SETX: variants seen among roughly 807,000 people sequenced by gnomAD.
SETX encodes the protein senataxin.
A neutral mutation model predicts 227.2 loss-of-function variants in SETX; 90 were observed. That is an observed-to-expected ratio of 0.40 (90% confidence interval 0.33 to 0.47). SETX has a LOEUF of 0.47. Among genes scored for constraint, SETX ranks in the 20% least tolerant of loss-of-function variants. The pLI is 0.91. For synonymous variants in SETX, 1,210 were observed against 1,113.2 expected, an observed-to-expected ratio of 1.09 and a Z score of -1.73; for missense variants, 3,052 against 3,181.5, an observed-to-expected ratio of 0.96 and a Z score of 0.98.
chr9:132,295,906 G>C lies in SETX; in HGVS notation c.6072C>G (p.Phe2024Leu). The C allele has an allele frequency of 1.2e-6, 2 of 1,613,768 alleles. No individual in the cohort carries two copies. The highest frequency in any genetic ancestry group is 2.7e-5 in the African/African-American group (2 of 75,002). Reference protein sequence around the residue: ...DELMKKIILEFKEKCKDKKNP... With the variant: ...DELMKKIILELKEKCKDKKNP... The stretch of plus-strand genomic sequence containing the variant: ...TCTTCTTGTCTTTACATTTTTCTTT[G>C]AATTCAAGGATAATTTTTTTCATGA... Residue 2024 changes from phenylalanine (F) to leucine (L), a missense_variant, in exon 15 of 26, where the codon TTC (phenylalanine) becomes TTG (leucine). Phe to Leu is a conservative substitution (Grantham distance 22). Around this residue, in one of 10 missense-constraint regions of SETX, gnomAD observed 412 missense variants for 589.0 expected, o/e 0.70. Coordinates refer to ENST00000224140, the MANE Select transcript of SETX (RefSeq NM_015046.7).
intron 10 of SETX, among the ~76,000 whole-genome samples, chr9:132,318,653 C>T (rs1023005155): frequency 2.0e-5 from 3 of 152,140 alleles, no homozygotes; most frequent in Non-Finnish European, 2.9e-5. Flanking sequence ...TGGGAGGGAA[C>T]AAGTGAACTT....
intron 11 of SETX, among the ~76,000 whole-genome samples, chr9:132,308,873 C>T (rs935660141): frequency 1.3e-5 from 2 of 152,062 alleles, no homozygotes; most frequent in South Asian, 2.1e-4. Context: ...AGGGGTGAGG[C>T]GCCGTGGCTC....
Position 132,328,971 on chromosome 9 carries a change from ATAAC to A in SETX, c.2623_2626del (p.Val875PhefsTer21), listed in dbSNP as rs757168693. ...ACAATTGTTTTCATGGAAAGAGAAA[ATAAC>A]TAATTCTTCATTCTTTAATTGTTTC... On this transcript the variant is annotated frameshift_variant, in exon 10 of 26. Coordinates refer to ENST00000224140, the MANE Select transcript of SETX (RefSeq NM_015046.7). LOFTEE classifies it high-confidence loss of function. 5 of 1,608,534 alleles carry A rather than the reference ATAAC, an allele frequency of 3.1e-6. No individual in the cohort carries two copies. The highest frequency in any genetic ancestry group is 4.2e-6 in the Non-Finnish European group (5 of 1,178,458).
intron 11 of SETX, among the ~76,000 whole-genome samples, chr9:132,308,734 A>C (rs971189608): frequency 5.3e-5 from 8 of 152,244 alleles, no homozygotes. Flanking sequence ...TATATACCTT[A>C]TTCATGAATT....
In SETX at chr9:132,312,120, G is replaced by C. The variant is rs540374295; in HGVS notation, c.5275-264C>G. Among the ~76,000 whole-genome samples, 221 of 152,328 alleles carry C rather than the reference G, an allele frequency of 1.5e-3. 1 individual carries two copies. Among genetic ancestry groups the C allele is most frequent in the Non-Finnish European group, 2.7e-3 (182 of 68,030 alleles). On this transcript the variant is annotated intron_variant, in intron 10 of 25. Transcript: ENST00000224140. Reference sequence around the variant, plus strand: ...GTTCTTCAAACTAGTCACACTTGCAGTGCTCAACAGCCACCTGTGGCTGCT... The same window carrying C: ...GTTCTTCAAACTAGTCACACTTGCACTGCTCAACAGCCACCTGTGGCTGCT...
intron 18 of SETX, among the ~76,000 whole-genome samples, chr9:132,286,013 T>A (rs541515566): frequency 1.3e-5 from 2 of 148,400 alleles, no homozygotes; most frequent in East Asian, 4.0e-4. Flanking sequence ...TGAAACCCCG[T>A]CTCTACTAAC....
chr9:132,347,658 A>G (rs2131564544), intron 3 of SETX, among the ~76,000 whole-genome samples: 1 of 151,074 alleles, frequency 6.6e-6, no homozygotes, highest in South Asian at 2.1e-4. Context: ...CAACATCCCT[A>G]TCAACTACAT....
intron 11 of SETX, 130 bp from the exon 12 acceptor site, chr9:132,300,933 T>C (rs1356473300): frequency 2.9e-6 from 2 of 687,804 alleles, no homozygotes; most frequent in East Asian, 5.7e-5. Context: ...CTGCATATAC[T>C]TTAAAATGGT....
At chr9:132,275,952 C>A (rs1452690976) in intron 22 of SETX, among the ~76,000 whole-genome samples, 1 of 152,182 alleles carries the variant, frequency 6.6e-6, no homozygotes, top group Non-Finnish European at 1.5e-5. Context: ...CACTTGACCC[C>A]AGTTGAACAA....
rs1842491756 is a variant in SETX, at chr9:132,263,700, C to T, written c.*539G>A. 6.5e-6 allele frequency: 1 copy of T among 154,880 alleles called. No homozygotes were observed. The highest frequency in any genetic ancestry group is 6.4e-5 in the Admixed American group (1 of 15,620). 9.6% of individuals were successfully genotyped at this position (154,880 alleles called of 1,614,324 possible). A position where few individuals can be genotyped will look rare whatever the true frequency, so the allele number is the denominator to read the frequency against. On this transcript the variant is annotated 3_prime_UTR_variant, in exon 26 of 26. Transcript: ENST00000224140. The stretch of plus-strand genomic sequence containing the variant: ...GGGTTTTTGCTTTTTTTAATAGAGC[C>T]AGAGACACCTGACCCACCAGCACTA...
intron 2 of SETX, 141 bp from the exon 3 acceptor site, chr9:132,349,576 A>T: frequency 1.3e-6 from 1 of 791,082 alleles, no homozygotes; most frequent in Non-Finnish European, 2.1e-6. Flanking sequence ...TGGCTGGCTT[A>T]TCAATCACTG....
intron 15 of SETX, among the ~76,000 whole-genome samples, chr9:132,291,888 C>T (rs1844335503): frequency 6.6e-6 from 1 of 151,908 alleles, no homozygotes; most frequent in African/African-American, 2.4e-5. Flanking sequence ...AGTAGAGGGG[C>T]CTGAAAGAGG....
chr9:132,320,448 C>T (rs113916193), intron 10 of SETX, among the ~76,000 whole-genome samples: 3 of 151,900 alleles, frequency 2.0e-5, no homozygotes, highest in East Asian at 1.9e-4. Flanking sequence ...GACGTGGTGC[C>T]GGACGCCTGA....
chr9:132,268,103 A>G (rs1302711520), intron 25 of SETX, among the ~76,000 whole-genome samples: 4 of 152,380 alleles, frequency 2.6e-5, no homozygotes, highest in African/African-American at 7.2e-5. Flanking sequence ...AATTGATAAG[A>G]GATCACGTTT....
intron 5 of SETX, among the ~76,000 whole-genome samples, chr9:132,339,280 C>T (rs528979025): frequency 1.3e-5 from 2 of 152,160 alleles, no homozygotes; most frequent in South Asian, 2.1e-4. Context: ...CCCAGGAGTT[C>T]GAACCCAGCC....
intron 20 of SETX, among the ~76,000 whole-genome samples, chr9:132,279,829 A>G (rs564503923): frequency 6.6e-6 from 1 of 152,242 alleles, no homozygotes; most frequent in African/African-American, 2.4e-5. Flanking sequence ...ATTAATATAT[A>G]TTCTGACATG....
chr9:132,327,495 C>T lies in SETX; in HGVS notation c.4103G>A (p.Cys1368Tyr). 1 of 1,614,106 alleles carries T rather than the reference C, an allele frequency of 6.2e-7. No homozygotes were observed. The highest frequency in any genetic ancestry group is 8.5e-7 in the Non-Finnish European group (1 of 1,180,030). The change falls in exon 10 of 26, where the codon TGT becomes TAT. Residue 1368 changes from cysteine (C) to tyrosine (Y), a missense_variant. Around this residue, in one of 10 missense-constraint regions of SETX, gnomAD observed 1,483 missense variants for 1,312.0 expected, o/e 1.13. Coordinates refer to ENST00000224140, the MANE Select transcript of SETX (RefSeq NM_015046.7). ...TGCTCTTTTAACATCTGTACTTTCA[C>T]AATCAGAAAGTCTTCGTCTATTTTT... The part of the protein sequence containing the change: ...SQKNRRRLSD[C>Y]ESTDVKRAGS...
chr9:132,345,118 G>A (rs1479049456), intron 4 of SETX, among the ~76,000 whole-genome samples: 1 of 152,170 alleles, frequency 6.6e-6, no homozygotes, highest in Non-Finnish European at 1.5e-5. Flanking sequence ...TCACAAAGGA[G>A]ATAGGGAGTG....
chr9:132,276,902 A>G (rs538215154), intron 22 of SETX, among the ~76,000 whole-genome samples, 158 bp downstream of exon 22: 1 of 152,338 alleles, frequency 6.6e-6, no homozygotes, highest in South Asian at 2.1e-4. Flanking sequence ...TATTATCCCC[A>G]TTATACAGAA....
Sources: gnomAD v4.1 joint callset for allele counts (sites outside exome capture counted in the v4.1 genomes callset) on GRCh38, gnomAD v4.1.1 for gene constraint, gnomAD v4.1.1 regional missense constraint, MANE v1.5 for transcripts, NCBI Gene and HGNC (gene_info 2026-07-23, HGNC 2026-07-21) for gene names.